The following GPC5 variants were observed in gnomAD, a reference collection of about 807,000 sequenced individuals.
The protein encoded by GPC5 is glypican 5.
In GPC5, 47 loss-of-function variants were observed where a neutral mutation model predicts 53.9. The ratio of observed to expected loss-of-function variants is 0.87; its 90% CI spans 0.69 to 1.11. The LOEUF is 1.11. GPC5 is among the 50% of genes most tolerant of loss of function. The pLI is 0.00. For synonymous variants in GPC5, 286 were observed against 263.3 expected, an observed-to-expected ratio of 1.09 and a Z score of -0.84; for missense variants, 748 against 713.1, an observed-to-expected ratio of 1.05 and a Z score of -0.56.
chr13:92,791,602 A>G (rs995150076), intron 7 of GPC5, among the ~76,000 whole-genome samples: 1 of 152,108 alleles, frequency 6.6e-6, no homozygotes, highest in Non-Finnish European at 1.5e-5. Flanking sequence ...ATTCTACACA[A>G]AACAGTAATA....
At chr13:92,516,004 T>C (rs1880761770) in intron 7 of GPC5, among the ~76,000 whole-genome samples, 1 of 152,198 alleles carries the variant, frequency 6.6e-6, no homozygotes, top group Non-Finnish European at 1.5e-5. Flanking sequence ...ATATTACTAT[T>C]AAATCATATA....
chr13:92,191,191 A>G (rs1023316667), intron 7 of GPC5, among the ~76,000 whole-genome samples: 1 of 152,174 alleles, frequency 6.6e-6, no homozygotes, highest in Non-Finnish European at 1.5e-5. Context: ...GTATGTACCT[A>G]ATAACAAAGT....
At chr13:92,585,267 G>C (rs9561089) in intron 7 of GPC5, among the ~76,000 whole-genome samples, 30,706 of 152,114 alleles carry the variant, frequency 0.2, 4,300 homozygotes, top group East Asian at 0.65. Context: ...AAGCCACAGG[G>C]GTGGAGGTGC....
intron 7 of GPC5, among the ~76,000 whole-genome samples, chr13:92,580,483 T>G (rs1194432450): frequency 6.6e-6 from 1 of 152,310 alleles, no homozygotes; most frequent in African/African-American, 2.4e-5. Context: ...ATATGTATAT[T>G]AAGCCTTTCT....
intron 2 of GPC5, among the ~76,000 whole-genome samples, chr13:91,622,273 C>T (rs1041577528): frequency 2.0e-5 from 3 of 152,096 alleles, no homozygotes; most frequent in Admixed American, 2.0e-4. Context: ...CAGTATTAAT[C>T]ATCACACCAT....
intron 1 of GPC5, among the ~76,000 whole-genome samples, chr13:91,428,733 A>ATT (rs890404979): frequency 4.0e-5 from 6 of 148,188 alleles, no homozygotes; most frequent in African/African-American, 1.2e-4. Flanking sequence ...TTTGAAAGGA[A>ATT]TTTTTTTTTT....
intron 2 of GPC5, among the ~76,000 whole-genome samples, chr13:91,666,615 A>G (rs527489678): frequency 1.3e-5 from 2 of 152,280 alleles, no homozygotes; most frequent in East Asian, 3.9e-4. Flanking sequence ...TATGTCTTTC[A>G]TTTTATTCAG....
Position 92,405,420 on chromosome 13 carries a change from C to T in GPC5, c.1561+260431C>T, listed in dbSNP as rs544636329. 8.0e-4 allele frequency among the ~76,000 whole-genome samples: 122 copies of T among 152,278 alleles called. 3 individuals are homozygous for T. The South Asian group carries it at 0.025, about 31-fold the overall frequency. ...CTGGGAATCAACATTTTTTTGTCATCATAATAACTAAATAACATTGAATGA... is the reference window on the plus strand; with the variant it reads ...CTGGGAATCAACATTTTTTTGTCATTATAATAACTAAATAACATTGAATGA... On this transcript the variant is annotated intron_variant, in intron 7 of 7. Transcript: ENST00000377067.
At chr13:92,247,896 G>C (rs2042664319) in intron 7 of GPC5, among the ~76,000 whole-genome samples, 1 of 152,098 alleles carries the variant, frequency 6.6e-6, no homozygotes, top group African/African-American at 2.4e-5. Context: ...ACCTGAGTTA[G>C]GGATATTGCA....
intron 2 of GPC5, among the ~76,000 whole-genome samples, chr13:91,493,987 C>T (rs1432611594): frequency 6.6e-6 from 1 of 152,118 alleles, no homozygotes; most frequent in Non-Finnish European, 1.5e-5. Context: ...AATTCCCCTG[C>T]CTGAGCCTCC....
At chr13:92,291,668 G>T (rs548996379) in intron 7 of GPC5, among the ~76,000 whole-genome samples, 1 of 152,138 alleles carries the variant, frequency 6.6e-6, no homozygotes, top group African/African-American at 2.4e-5. Context: ...CCACAATGTC[G>T]AAGCTTTGTT....
intron 7 of GPC5, among the ~76,000 whole-genome samples, chr13:92,344,580 A>C (rs901278335): frequency 1.3e-5 from 2 of 152,188 alleles, no homozygotes; most frequent in African/African-American, 4.8e-5. Context: ...GGAGAGCAGG[A>C]CAGTCTTCCT....
rs116463550 is a variant in GPC5, at chr13:92,785,342, A to G, written c.1562-80940A>G. On this transcript the variant is annotated intron_variant, in intron 7 of 7. Transcript: ENST00000377067. ...TTTGCACATAGTCATGGAATGAAGT[A>G]TGAAGGGAAGGGAACCATTAACTCA... Among the ~76,000 whole-genome samples, 1,014 of 152,274 alleles carry G rather than the reference A, an allele frequency of 6.7e-3. 14 individuals are homozygous for G. Among genetic ancestry groups the G allele is most frequent in the African/African-American group, 0.023 (949 of 41,566 alleles).
intron 2 of GPC5, among the ~76,000 whole-genome samples, chr13:91,530,079 A>C (rs1055149497): frequency 2.6e-5 from 4 of 152,222 alleles, no homozygotes; most frequent in African/African-American, 7.2e-5. Flanking sequence ...TTTAATTACA[A>C]GAAAATGTCT....
intron 7 of GPC5, among the ~76,000 whole-genome samples, chr13:92,151,080 G>A (rs1475129200): frequency 6.6e-6 from 1 of 152,004 alleles, no homozygotes; most frequent in African/African-American, 2.4e-5. Flanking sequence ...TTGATAAAGT[G>A]CATCTGGTAG....
intron 7 of GPC5, among the ~76,000 whole-genome samples, chr13:92,385,740 C>CGTATATATACACGT (rs1874664774): frequency 7.3e-6 from 1 of 136,520 alleles, no homozygotes; most frequent in Non-Finnish European, 1.5e-5. Flanking sequence ...TGTATATATA[C>CGTATATATACACGT]GTATATATAC....
intron 7 of GPC5, among the ~76,000 whole-genome samples, chr13:92,733,417 A>G (rs1888858903): frequency 6.6e-6 from 1 of 151,698 alleles, no homozygotes; most frequent in East Asian, 1.9e-4. Context: ...TGGTACCAAT[A>G]GGCAGGAAGT....
chr13:92,609,808 G>A (rs893600685), intron 7 of GPC5, among the ~76,000 whole-genome samples: 3 of 152,056 alleles, frequency 2.0e-5, no homozygotes, highest in African/African-American at 7.2e-5. Flanking sequence ...CCAGGTGGGT[G>A]GATCACAAGG....
At chr13:92,851,268 C>T (rs1157907707) in intron 7 of GPC5, among the ~76,000 whole-genome samples, 1 of 152,160 alleles carries the variant, frequency 6.6e-6, no homozygotes, top group Non-Finnish European at 1.5e-5. Context: ...TGGACGGGGA[C>T]ACAGATCCAA....
Sources: allele counts gnomAD v4.1 joint callset (sites outside exome capture counted in the v4.1 genomes callset), GRCh38; gene constraint gnomAD v4.1.1; transcripts MANE v1.5; gene names NCBI Gene and HGNC (gene_info 2026-07-23, HGNC 2026-07-21).